PLCE1: variants seen among roughly 807,000 people sequenced by gnomAD.
PLCE1 encodes phospholipase C epsilon 1.
In PLCE1, 119 loss-of-function variants were observed where a neutral mutation model predicts 242.8. The observed-to-expected ratio is 0.49, with a 90% CI of 0.42 to 0.57. The LOEUF (loss-of-function observed/expected upper bound fraction) is 0.57. Ranked by LOEUF, PLCE1 falls within the 20% of genes least tolerant of loss-of-function variation. The pLI is 0.00. For missense variants in PLCE1, 2,441 were observed against 2,788.8 expected (o/e 0.88, Z 2.81); for synonymous variants, 945 against 1,017.4 (o/e 0.93, Z 1.35).
At chr10:94,106,395 A>T (rs760948066) in intron 2 of PLCE1, among the ~76,000 whole-genome samples, 1 of 152,200 alleles carries the variant, frequency 6.6e-6, no homozygotes, top group African/African-American at 2.4e-5. Flanking sequence ...ATTGTTGCCT[A>T]GTATACTCTT....
chr10:94,014,341 A>C (rs936049294), intron 1 of PLCE1, among the ~76,000 whole-genome samples: 1 of 151,878 alleles, frequency 6.6e-6, no homozygotes, highest in Non-Finnish European at 1.5e-5. Context: ...GAGTGGCTCA[A>C]GCCTGTAATC....
At chr10:94,055,133 G>GA (rs1467790094) in intron 2 of PLCE1, among the ~76,000 whole-genome samples, 5 of 151,560 alleles carry the variant, frequency 3.3e-5, no homozygotes, top group Admixed American at 2.0e-4. Context: ...AGAGGAAAAT[G>GA]AATTATTTTA....
At chr10:94,179,517 T>TCTTC (rs149741076) in intron 4 of PLCE1, among the ~76,000 whole-genome samples, 1 of 39,518 alleles carries the variant, frequency 2.5e-5, no homozygotes, top group African/African-American at 5.2e-5. Flanking sequence ...GTTTAGTTTT[T>TCTTC]TTTTTTTTTT....
At chr10:94,079,108 T>A (rs2044585457) in intron 2 of PLCE1, among the ~76,000 whole-genome samples, 1 of 152,164 alleles carries the variant, frequency 6.6e-6, no homozygotes, top group Non-Finnish European at 1.5e-5. Flanking sequence ...TTGGTAGCCG[T>A]TACAAAATTT....
chr10:94,193,746 G>A (rs1226904758), intron 4 of PLCE1, among the ~76,000 whole-genome samples: 2 of 152,168 alleles, frequency 1.3e-5, no homozygotes, highest in East Asian at 3.8e-4. Context: ...AACCATCCCA[G>A]CTTTCCTCTT....
intron 1 of PLCE1, among the ~76,000 whole-genome samples, chr10:94,022,726 G>A (rs1265596441): frequency 6.6e-6 from 1 of 151,916 alleles, no homozygotes; most frequent in African/African-American, 2.4e-5. Context: ...TCCTTCTCAG[G>A]TAAAGTGATA....
Position 94,254,752 on chromosome 10 carries a change from G to C in PLCE1, c.3398-141G>C, listed in dbSNP as rs2051004592. Reference sequence around the variant, plus strand: ...CCCACCAGATTAGCCCATTCATAAAGATATTTTGGTGCTGCTTGTATAGAA... The same window carrying C: ...CCCACCAGATTAGCCCATTCATAAACATATTTTGGTGCTGCTTGTATAGAA... On this transcript the variant is annotated intron_variant, in intron 10 of 32. Coordinates refer to ENST00000371380, the MANE Select transcript of PLCE1 (RefSeq NM_016341.4). 4 of 892,584 alleles carry C rather than the reference G, an allele frequency of 4.5e-6. No individual in the cohort carries two copies. The Admixed American group carries it at 6.9e-5, about 15-fold the overall frequency. The allele number at this position is 892,584 out of a possible 1,614,324, so 55.3% of individuals were successfully genotyped here.
chr10:94,115,215 C>A (rs61572352), intron 2 of PLCE1, among the ~76,000 whole-genome samples: 2 of 152,172 alleles, frequency 1.3e-5, no homozygotes, highest in Middle Eastern at 3.4e-3. Context: ...GTGAATAGTG[C>A]GGCAATAAAC....
At chr10:94,180,433 G>C (rs1477984342) in intron 4 of PLCE1, among the ~76,000 whole-genome samples, 1 of 152,102 alleles carries the variant, frequency 6.6e-6, no homozygotes, top group East Asian at 1.9e-4. Flanking sequence ...CACAGCACCA[G>C]GCAGAAGGCA....
At chr10:94,082,930 G>T (rs1202734573) in intron 2 of PLCE1, among the ~76,000 whole-genome samples, 3 of 152,272 alleles carry the variant, frequency 2.0e-5, no homozygotes, top group East Asian at 3.9e-4. Flanking sequence ...TCTATGTGAA[G>T]CAAAAATACA....
intron 2 of PLCE1, among the ~76,000 whole-genome samples, chr10:94,118,190 A>G (rs1564704602): frequency 6.6e-6 from 1 of 152,104 alleles, no homozygotes; most frequent in Non-Finnish European, 1.5e-5. Context: ...TAAAATTTTC[A>G]TTAACTTTAG....
chr10:94,086,165 T>C lies in PLCE1; in HGVS notation c.1207-46009T>C, dbSNP rs560704125. On this transcript the variant is annotated intron_variant, in intron 2 of 32. Coordinates refer to ENST00000371380, the MANE Select transcript of PLCE1 (RefSeq NM_016341.4). ...GTGCTGTGCTGGGGAAGCTTTGTCT[T>C]TTGGAATCTCTTTGGGTAGCTCTTT... Among the ~76,000 whole-genome samples, 18 of 152,276 alleles carry C rather than the reference T, an allele frequency of 1.2e-4. No homozygotes were observed. In the East Asian group the frequency reaches 3.1e-3, roughly 26 times the overall value.
chr10:94,295,521 C>T (rs932081785), intron 23 of PLCE1, among the ~76,000 whole-genome samples: 6 of 152,182 alleles, frequency 3.9e-5, no homozygotes, highest in African/African-American at 1.2e-4. Flanking sequence ...TTAAACCCCT[C>T]CAAGTCATCC....
chr10:94,291,380 T>C (rs762589189), intron 22 of PLCE1, among the ~76,000 whole-genome samples: 7 of 152,160 alleles, frequency 4.6e-5, no homozygotes, highest in Non-Finnish European at 7.3e-5. Flanking sequence ...AACATCTATA[T>C]CTAAAATAAG....
intron 3 of PLCE1, among the ~76,000 whole-genome samples, chr10:94,159,495 T>G (rs866640459): frequency 1.2e-4 from 18 of 152,180 alleles, no homozygotes; most frequent in African/African-American, 3.1e-4. Flanking sequence ...ATTGTACCAC[T>G]AAAGGACTAT....
rs10636243 is a variant in PLCE1 at position 94,179,530 on chromosome 10, T to TTTTTTTGA, written c.1809+8034_1809+8035insTTTTTTGA. On this transcript the variant is annotated intron_variant, in intron 4 of 32. Transcript: ENST00000371380. ...TAGTTTAGTTTTTTTTTTTTTTTTT[T>TTTTTTTGA]GACAGGGTCTCTGTTGCCCAGGCTG... Among the ~76,000 whole-genome samples, 975 of 118,746 alleles carry TTTTTTTGA rather than the reference T, an allele frequency of 8.2e-3. 60 individuals are homozygous for TTTTTTTGA. Among genetic ancestry groups the TTTTTTTGA allele is most frequent in the East Asian group, 0.064 (249 of 3,890 alleles). The allele number at this position is 118,746 out of a possible 152,430, so 77.9% of individuals were successfully genotyped here. A position where few individuals can be genotyped will look rare whatever the true frequency, so the allele number is the denominator to read the frequency against.
chr10:94,037,355 T>G (rs1406321272), intron 2 of PLCE1, among the ~76,000 whole-genome samples: 1 of 152,206 alleles, frequency 6.6e-6, no homozygotes, highest in African/African-American at 2.4e-5. Flanking sequence ...TTATGGATGA[T>G]AAAATATCCA....
intron 7 of PLCE1, among the ~76,000 whole-genome samples, chr10:94,239,713 C>G (rs577658927): frequency 6.6e-6 from 1 of 152,042 alleles, no homozygotes. Flanking sequence ...GTTAGAGACG[C>G]GCCTGGACGA....
intron 4 of PLCE1, among the ~76,000 whole-genome samples, chr10:94,211,092 T>G (rs1306847968): frequency 6.6e-6 from 1 of 152,218 alleles, no homozygotes; most frequent in Non-Finnish European, 1.5e-5. Context: ...TGGGAGGCCC[T>G]AGGCTGGACA....
Sources: allele counts gnomAD v4.1 joint callset (sites outside exome capture counted in the v4.1 genomes callset), GRCh38; gene constraint gnomAD v4.1.1; transcripts MANE v1.5; gene names NCBI Gene and HGNC (gene_info 2026-07-23, HGNC 2026-07-21).